The following PDPR variants were observed in gnomAD, a reference collection of about 807,000 sequenced individuals.
PDPR encodes pyruvate dehydrogenase phosphatase regulatory subunit.
Under a neutral mutation model 102.2 loss-of-function variants are expected in PDPR, and 50 were observed. That is an observed-to-expected ratio of 0.49 (90% confidence interval 0.39 to 0.62). The LOEUF (loss-of-function observed/expected upper bound fraction) is 0.62. PDPR is among the 20% of genes least tolerant of loss of function. The probability of loss-of-function intolerance (pLI) is 0.00; values close to 1 mark genes in which losing one functional copy is unlikely to be tolerated. For synonymous variants in PDPR, 259 were observed against 406.0 expected, an observed-to-expected ratio of 0.64 and a Z score of 4.35; for missense variants, 625 against 1,098.2, an observed-to-expected ratio of 0.57 and a Z score of 6.09.
chr16:70,132,530 A>G (rs1429475403), intron 9 of PDPR, among the ~76,000 whole-genome samples: 1 of 151,966 alleles, frequency 6.6e-6, no homozygotes, highest in East Asian at 1.9e-4. Context: ...TTTTAATTTT[A>G]TTCTTAGTTT....
rs1254184337 is a variant in PDPR at position 70,157,170 on chromosome 16, C to G, written c.*291C>G. On this transcript the variant is annotated 3_prime_UTR_variant, in exon 19 of 19. Transcript: ENST00000288050. The stretch of plus-strand genomic sequence containing the variant: ...ATGTCTGACAGGACAGAAGCAAGCT[C>G]CACTGTGGACATGAGTGATGGTGAC... 3.2e-6 allele frequency: 2 copies of G among 630,098 alleles called. No individual in the cohort carries two copies. Among genetic ancestry groups the G allele is most frequent in the Middle Eastern group, 5.1e-4 (2 of 3,942 alleles). The allele number at this position is 630,098 out of a possible 1,614,324, so 39.0% of individuals were successfully genotyped here.
chr16:70,120,978 C>T (rs1441830519), intron 3 of PDPR, among the ~76,000 whole-genome samples: 7 of 119,314 alleles, frequency 5.9e-5, no homozygotes, highest in Non-Finnish European at 9.6e-5. Context: ...TTTTGGTAGA[C>T]AGGATCTCGC....
rs1244274219 is a variant in PDPR at position 70,158,340 on chromosome 16, T to G, written c.*1461T>G. 2 of 152,486 alleles carry G rather than the reference T, an allele frequency of 1.3e-5. No homozygotes were observed. Among genetic ancestry groups the G allele is most frequent in the African/African-American group, 4.8e-5 (2 of 41,484 alleles). 9.4% of individuals were successfully genotyped at this position (152,486 alleles called of 1,614,324 possible). On this transcript the variant is annotated 3_prime_UTR_variant, in exon 19 of 19. Coordinates refer to ENST00000288050, the MANE Select transcript of PDPR (RefSeq NM_017990.5). ...CATTTTGGTTAGTAAAACTCTAGCC[T>G]TTGGCGTGTTGGTATCTTGGAAGCA...
chr16:70,120,915 G>A (rs1370122276), intron 3 of PDPR, among the ~76,000 whole-genome samples, 196 bp downstream of exon 3: 1 of 150,588 alleles, frequency 6.6e-6, no homozygotes, highest in Non-Finnish European at 1.5e-5. Flanking sequence ...TTAGAGAGTT[G>A]GCAAATTTCG....
At position 70,150,220 on chromosome 16, in the gene PDPR, C is replaced by T. The variant is rs567870927; in HGVS notation, c.2052+1667C>T. On this transcript the variant is annotated intron_variant, in intron 17 of 18. Coordinates refer to ENST00000288050, the MANE Select transcript of PDPR (RefSeq NM_017990.5). ...CCGGGTTCAAGTGATTCTCCTGCCT[C>T]AGCCTCCCGAGTAGCTGGGATTACA... Among the ~76,000 whole-genome samples the T allele has an allele frequency of 9.9e-4, 150 of 151,794 alleles. 1 individual carries two copies. The highest frequency in any genetic ancestry group is 3.2e-3 in the African/African-American group (133 of 41,366).
chr16:70,150,994 G>C (rs571500507), intron 17 of PDPR, among the ~76,000 whole-genome samples: 35 of 152,224 alleles, frequency 2.3e-4, no homozygotes, highest in Middle Eastern at 3.4e-3. Context: ...GAGTGTAGTG[G>C]CATGATCTCG....
intron 18 of PDPR, 30 bp downstream of exon 18, chr16:70,153,603 C>G: frequency 6.4e-7 from 1 of 1,560,550 alleles, no homozygotes. Flanking sequence ...TCCACTTTCA[C>G]TCAGCATCCC....
chr16:70,149,733 A>G (rs565785193), intron 17 of PDPR, among the ~76,000 whole-genome samples: 9 of 152,402 alleles, frequency 5.9e-5, no homozygotes, highest in Non-Finnish European at 1.3e-4. Context: ...GCTGTTATAA[A>G]AAGGTCTGCA....
At chr16:70,126,716 C>T (rs1395616572) in intron 3 of PDPR, among the ~76,000 whole-genome samples, 1 of 152,244 alleles carries the variant, frequency 6.6e-6, no homozygotes, top group Non-Finnish European at 1.5e-5. Flanking sequence ...GGTAGAGACA[C>T]AGTCTGGCTA....
intron 11 of PDPR, among the ~76,000 whole-genome samples, chr16:70,141,108 C>G (rs1418361705): frequency 2.0e-5 from 3 of 152,152 alleles, no homozygotes; most frequent in Non-Finnish European, 4.4e-5. Flanking sequence ...GGCTGGAGTG[C>G]CGTGGCGTGA....
intron 9 of PDPR, among the ~76,000 whole-genome samples, chr16:70,135,881 A>C (rs1246763006): frequency 6.6e-6 from 1 of 152,252 alleles, no homozygotes; most frequent in East Asian, 1.9e-4. Context: ...TAGTGTGGCC[A>C]TCATGGTGAA....
intron 13 of PDPR, 100 bp from the exon 14 acceptor site, chr16:70,143,410 T>C: frequency 7.0e-7 from 1 of 1,428,248 alleles, no homozygotes; most frequent in South Asian, 1.3e-5. Context: ...GGGAATTGGC[T>C]GATTGAATTT....
chr16:70,126,110 C>G (rs1963936596), intron 3 of PDPR, among the ~76,000 whole-genome samples: 1 of 152,292 alleles, frequency 6.6e-6, no homozygotes, highest in Non-Finnish European at 1.5e-5. Context: ...ACACACTGTT[C>G]TTCACCTTGC....
intron 17 of PDPR, among the ~76,000 whole-genome samples, chr16:70,149,374 T>C (rs765063331): frequency 6.6e-6 from 1 of 152,222 alleles, no homozygotes; most frequent in Non-Finnish European, 1.5e-5. Context: ...CAAGTGATTG[T>C]CCTGCTTCAG....
rs1305183162 is a variant in PDPR at position 70,156,905 on chromosome 16, C to G, written c.*26C>G. 6.2e-7 allele frequency: 1 copy of G among 1,607,846 alleles called. No individual in the cohort carries two copies. Among genetic ancestry groups the G allele is most frequent in the Admixed American group, 1.7e-5 (1 of 58,780 alleles). On this transcript the variant is annotated 3_prime_UTR_variant, in exon 19 of 19. Transcript: ENST00000288050. Reference sequence around the variant, plus strand: ...TGCCACCAGGGCAGCCTCACCTCCTCCCCATCATCTTGTCCTAGAGTGGGC... The same window carrying G: ...TGCCACCAGGGCAGCCTCACCTCCTGCCCATCATCTTGTCCTAGAGTGGGC...
Position 70,157,378 on chromosome 16 carries a change from C to A in PDPR, c.*499C>A. 2.7e-6 allele frequency: 1 copy of A among 368,330 alleles called. No individual in the cohort carries two copies. Among genetic ancestry groups the A allele is most frequent in the Non-Finnish European group, 5.3e-6 (1 of 187,920 alleles). The allele number at this position is 368,330 out of a possible 1,614,324, so 22.8% of individuals were successfully genotyped here. On this transcript the variant is annotated 3_prime_UTR_variant, in exon 19 of 19. Coordinates refer to ENST00000288050, the MANE Select transcript of PDPR (RefSeq NM_017990.5). ...GCCTGCAGCCCGGCAGCTCGTTCTC[C>A]TGTTCTGCTGTGCTGTGGGCTGGCA... is the stretch of plus-strand genomic sequence containing the variant.
intron 2 of PDPR, among the ~76,000 whole-genome samples, chr16:70,118,479 C>G (rs1427275442): frequency 6.6e-6 from 1 of 152,218 alleles, no homozygotes; most frequent in Non-Finnish European, 1.5e-5. Flanking sequence ...CAAGTATAAC[C>G]GAGTGGTCAC....
chr16:70,152,176 T>C (rs1019950847), intron 17 of PDPR, among the ~76,000 whole-genome samples: 49 of 152,364 alleles, frequency 3.2e-4, no homozygotes, highest in African/African-American at 1.1e-3. Context: ...CTTACACACA[T>C]ACCACAGGCG....
rs56353884 is a variant in PDPR, at chr16:70,161,281, C to CAAAAAAAAAAAA, written c.*4410_*4421dup. ...GGGTAACAGAGTGAGACTCTTGTCT[C>CAAAAAAAAAAAA]AAAAAAAAAAAAAAAAAAATCTAAG... On this transcript the variant is annotated 3_prime_UTR_variant, in exon 19 of 19. Transcript: ENST00000288050. The CAAAAAAAAAAAA allele has an allele frequency of 7.6e-6, 1 of 130,782 alleles. No homozygotes were observed. The highest frequency in any genetic ancestry group is 2.9e-5 in the African/African-American group (1 of 34,502). The allele number at this position is 130,782 out of a possible 1,614,324, so 8.1% of individuals were successfully genotyped here.
Sources: gnomAD v4.1 joint callset for allele counts (sites outside exome capture counted in the v4.1 genomes callset) on GRCh38, gnomAD v4.1.1 for gene constraint, MANE v1.5 for transcripts, NCBI Gene and HGNC (gene_info 2026-07-23, HGNC 2026-07-21) for gene names.